SLIT3: variants seen among roughly 807,000 people sequenced by gnomAD.
SLIT3 encodes slit guidance ligand 3, also known as slit homolog 3 protein.
In SLIT3, 68 loss-of-function variants were observed where a neutral mutation model predicts 184.0. That is an observed-to-expected ratio of 0.37 (90% CI 0.30 to 0.45). The LOEUF (loss-of-function observed/expected upper bound fraction) is 0.45. Among genes scored for constraint, SLIT3 ranks in the 20% least tolerant of loss-of-function variants. The pLI is 1.00. For synonymous variants in SLIT3, 831 were observed against 828.6 expected, an observed-to-expected ratio of 1.00 and a Z score of -0.05; for missense variants, 1,707 against 2,026.0, an observed-to-expected ratio of 0.84 and a Z score of 3.02.
chr5:169,062,228 A>G (rs1251322604), intron 4 of SLIT3, among the ~76,000 whole-genome samples: 2 of 152,170 alleles, frequency 1.3e-5, no homozygotes, highest in Non-Finnish European at 2.9e-5. Flanking sequence ...AATTTATACC[A>G]TCCCAGAAAG....
At chr5:168,748,462 G>C (rs755160612) in intron 19 of SLIT3, 28 bp from the exon 20 acceptor site, 1 of 1,507,314 alleles carries the variant, frequency 6.6e-7, no homozygotes, top group Non-Finnish European at 8.7e-7. Flanking sequence ...GAGGGTGAGG[G>C]TTGTGGGAGA....
At chr5:169,297,239 G>A (rs1041949330) in intron 1 of SLIT3, among the ~76,000 whole-genome samples, 8 of 152,188 alleles carry the variant, frequency 5.3e-5, no homozygotes, top group African/African-American at 1.9e-4. Context: ...GGGAAAAATT[G>A]TCAGTAGTTT....
chr5:168,871,408 G>A (rs186187335), intron 5 of SLIT3, among the ~76,000 whole-genome samples: 398 of 152,188 alleles, frequency 2.6e-3, no homozygotes, highest in South Asian at 8.3e-3. Flanking sequence ...GGTTAATAGC[G>A]GAGCTGGGAC....
chr5:169,092,110 C>T (rs1030696093), intron 4 of SLIT3, among the ~76,000 whole-genome samples: 1 of 152,174 alleles, frequency 6.6e-6, no homozygotes, highest in Non-Finnish European at 1.5e-5. Flanking sequence ...ATAATCCCAC[C>T]TACTTCGGAG....
intron 5 of SLIT3, among the ~76,000 whole-genome samples, chr5:168,870,956 T>G (rs1200303088): frequency 6.6e-6 from 1 of 152,200 alleles, no homozygotes; most frequent in Non-Finnish European, 1.5e-5. Flanking sequence ...AGTACTGGTT[T>G]CCCATGGCTG....
At chr5:168,808,533 C>G (rs1029587848) in intron 8 of SLIT3, among the ~76,000 whole-genome samples, 38 of 152,168 alleles carry the variant, frequency 2.5e-4, no homozygotes, top group African/African-American at 8.2e-4. Context: ...ATACACGGCA[C>G]AGGGTAAGAG....
At chr5:169,266,306 G>C (rs1013172157) in intron 1 of SLIT3, among the ~76,000 whole-genome samples, 4 of 152,200 alleles carry the variant, frequency 2.6e-5, no homozygotes, top group African/African-American at 9.7e-5. Context: ...GGCAAGGATA[G>C]TGCTCTGTGT....
intron 4 of SLIT3, among the ~76,000 whole-genome samples, chr5:169,084,281 TTTC>T (rs966361139): frequency 6.7e-6 from 1 of 148,230 alleles, no homozygotes; most frequent in African/African-American, 2.6e-5. Flanking sequence ...GATGTTTCTT[TTTC>T]TTTTCTTTTT....
chr5:169,176,263 CTTTTTCTCAGGA>C, intron 4 of SLIT3, among the ~76,000 whole-genome samples: 1 of 152,158 alleles, frequency 6.6e-6, no homozygotes, highest in East Asian at 1.9e-4. Context: ...CTTCTTCCTT[CTTTTTCTCAGGA>C]AACAGTGAGG....
chr5:169,191,763 T>C (rs1013860786), intron 4 of SLIT3, among the ~76,000 whole-genome samples: 5 of 152,062 alleles, frequency 3.3e-5, no homozygotes, highest in Non-Finnish European at 5.9e-5. Flanking sequence ...ATTCCTACTT[T>C]GCCTGGATCA....
chr5:169,193,087 A>G (rs172472), intron 4 of SLIT3, among the ~76,000 whole-genome samples: 29,126 of 152,156 alleles, frequency 0.19, 3,068 homozygotes, highest in East Asian at 0.44. Flanking sequence ...TGAGGTTGCC[A>G]TGTTCGGTCC....
At chr5:168,771,360 C>A (rs1755544568) in intron 14 of SLIT3, among the ~76,000 whole-genome samples, 1 of 152,096 alleles carries the variant, frequency 6.6e-6, no homozygotes, top group Non-Finnish European at 1.5e-5. Flanking sequence ...GATTGTCATC[C>A]CCAAATATTC....
intron 4 of SLIT3, among the ~76,000 whole-genome samples, chr5:169,113,351 T>C (rs1393969565): frequency 3.9e-5 from 6 of 152,352 alleles, no homozygotes; most frequent in African/African-American, 1.4e-4. Context: ...CTTATTTCAC[T>C]CAGCATAATG....
intron 4 of SLIT3, among the ~76,000 whole-genome samples, chr5:169,041,743 T>C (rs1757455703): frequency 1.3e-5 from 2 of 152,086 alleles, no homozygotes; most frequent in African/African-American, 4.8e-5. Context: ...GCAATCTGGG[T>C]AGATTAGAAT....
intron 5 of SLIT3, 195 bp from the exon 6 acceptor site, chr5:168,844,850 C>G (rs184048309): frequency 3.7e-5 from 20 of 545,472 alleles, no homozygotes; most frequent in Middle Eastern, 9.7e-4. Context: ...ACTACACAGA[C>G]GAGCGCACCA....
chr5:168,979,984 G>A (rs1049399621), intron 4 of SLIT3, among the ~76,000 whole-genome samples: 5 of 151,988 alleles, frequency 3.3e-5, no homozygotes, highest in African/African-American at 1.2e-4. Flanking sequence ...CAGGAACTGG[G>A]CAAAAAGGGG....
In SLIT3 at chr5:168,758,417, T is replaced by G. The variant is rs537236278; in HGVS notation, c.1685+2445A>C. 4.6e-5 allele frequency among the ~76,000 whole-genome samples: 7 copies of G among 152,358 alleles called. No homozygotes were observed. The East Asian group carries it at 1.3e-3, about 29-fold the overall frequency. ...GCTTGGCCAGCTTGATTCATCTTAA[T>G]ATCTGCCTCACGCCCACAGGCCTGT... On this transcript the variant is annotated intron_variant, in intron 16 of 35. Transcript: ENST00000519560.
At chr5:168,692,771 C>A in intron 28 of SLIT3, 71 bp from the exon 29 acceptor site, 1 of 1,095,130 alleles carries the variant, frequency 9.1e-7, no homozygotes, top group South Asian at 1.3e-5. Flanking sequence ...GATCAGAGTA[C>A]TAGGGGGGAT....
chr5:168,961,218 A>C (rs566535044), intron 4 of SLIT3, among the ~76,000 whole-genome samples: 1 of 152,334 alleles, frequency 6.6e-6, no homozygotes, highest in Admixed American at 6.5e-5. Flanking sequence ...AGGTAACAGG[A>C]CATAATTACT....
Sources: gnomAD v4.1 joint callset for allele counts (sites outside exome capture counted in the v4.1 genomes callset) on GRCh38, gnomAD v4.1.1 for gene constraint, MANE v1.5 for transcripts, NCBI Gene and HGNC (gene_info 2026-07-23, HGNC 2026-07-21) for gene names.